WDR86: variants seen among roughly 807,000 people sequenced by gnomAD.
The protein encoded by WDR86 is WD repeat domain 86.
WDR86 carries 30 observed loss-of-function variants against 36.5 expected under a neutral mutation model. The observed-to-expected ratio is 0.82, with a 90% CI of 0.61 to 1.11. WDR86 has a LOEUF of 1.11. Among genes scored for constraint, WDR86 ranks in the 50% most tolerant of loss-of-function variants. The pLI is 0.00. For synonymous variants in WDR86, 255 were observed against 252.9 expected, an observed-to-expected ratio of 1.01 and a Z score of -0.08; for missense variants, 545 against 561.2, an observed-to-expected ratio of 0.97 and a Z score of 0.29.
downstream of WDR86, among the ~76,000 whole-genome samples, chr7:151,378,842 A>G (rs754455918): frequency 7.2e-5 from 11 of 152,188 alleles, no homozygotes; most frequent in Non-Finnish European, 1.3e-4. Flanking sequence ...AGCTGTTTTT[A>G]GCCATCATAG....
In WDR86 at chr7:151,406,812, A is replaced by G. The variant is rs1800737800; in HGVS notation, c.163+2615T>C. On this transcript the variant is annotated intron_variant, in intron 1 of 5. Transcript: ENST00000334493. The surrounding 1 kb of genome is among the most constrained non-coding windows in gnomAD (Gnocchi z 4.4). Reference sequence around the variant, plus strand: ...CACTCTCCTCTGTGAACTGGTGTCAATCCCACCCACCTCAGAGTTGTGAGG... The same window carrying G: ...CACTCTCCTCTGTGAACTGGTGTCAGTCCCACCCACCTCAGAGTTGTGAGG... 6.6e-6 allele frequency among the ~76,000 whole-genome samples: 1 copy of G among 152,232 alleles called. No individual in the cohort carries two copies. Among genetic ancestry groups the G allele is most frequent in the Non-Finnish European group, 1.5e-5 (1 of 68,042 alleles).
chr7:151,381,496 TCGGGCGCCACCACCG>T lies in WDR86; in HGVS notation c.*71_*85del. 1 of 1,460,044 alleles carries T rather than the reference TCGGGCGCCACCACCG, an allele frequency of 6.8e-7. No individual in the cohort carries two copies. Among genetic ancestry groups the T allele is most frequent in the East Asian group, 3.0e-5 (1 of 33,518 alleles). The allele number at this position is 1,460,044 out of a possible 1,614,324, so 90.4% of individuals were successfully genotyped here. ...CTCGCTCCTCGCCCCTCGCCGGCCA[TCGGGCGCCACCACCG>T]CGGGTAGCAGGGCGGGGCGCTCTGG... On this transcript the variant is annotated 3_prime_UTR_variant, in exon 6 of 6. Transcript: ENST00000334493. This position sits in a 1 kb window ranked among gnomAD's most constrained non-coding sequence, Gnocchi z 4.8.
chr7:151,395,502 C>G (rs1335596708), intron 3 of WDR86, among the ~76,000 whole-genome samples: 1 of 49,816 alleles, frequency 2.0e-5, no homozygotes, highest in Non-Finnish European at 7.2e-5. Context: ...AGGACACACA[C>G]ACACACACAC....
Position 151,401,981 on chromosome 7 carries a change from G to A in WDR86, c.164-1740C>T, listed in dbSNP as rs1409910218. 6.9e-6 allele frequency among the ~76,000 whole-genome samples: 1 copy of A among 145,004 alleles called. No individual in the cohort carries two copies. The highest frequency in any genetic ancestry group is 1.5e-5 in the Non-Finnish European group (1 of 66,938). On this transcript the variant is annotated intron_variant, in intron 1 of 5. Coordinates refer to ENST00000334493, the MANE Select transcript of WDR86 (RefSeq NM_198285.3). This position sits in a 1 kb window ranked among gnomAD's most constrained non-coding sequence, Gnocchi z 4.3. ...GAGAACTGCTTGAACCCGGAAGGCG[G>A]AGGCTGCAGTGAGCTGAGGTTGCAC...
At chr7:151,397,406 T>A (rs1799902594) in intron 2 of WDR86, among the ~76,000 whole-genome samples, 2 of 152,224 alleles carry the variant, frequency 1.3e-5, no homozygotes, top group African/African-American at 4.8e-5. Context: ...CCAGATAGGA[T>A]GATTGTCACA....
chr7:151,403,848 G>A (rs979503341), intron 1 of WDR86, among the ~76,000 whole-genome samples: 8 of 152,198 alleles, frequency 5.3e-5, no homozygotes, highest in African/African-American at 7.2e-5. Context: ...GAGAGATTGC[G>A]GCTGGAGACA....
intron 1 of WDR86, among the ~76,000 whole-genome samples, chr7:151,404,467 C>A (rs186198946): frequency 3.4e-4 from 52 of 152,190 alleles, no homozygotes; most frequent in African/African-American, 1.2e-3. Flanking sequence ...CTATGTTCCA[C>A]AGAACACAAA....
chr7:151,374,276 C>T (rs1798102170), downstream of WDR86: 2 of 1,549,844 alleles, frequency 1.3e-6, no homozygotes, highest in Non-Finnish European at 1.7e-6. Context: ...TGGCCTTGTC[C>T]CTGAGCAGTG....
In WDR86 at chr7:151,385,113, G is replaced by A. The variant is rs763181794; in HGVS notation, c.837C>T (p.Ser279=). Residue 279 remains serine (S), a synonymous_variant, in exon 4 of 6, where the codon AGC becomes AGT. Transcript: ENST00000334493. The part of the protein sequence containing the change: ...RTFTAHRRNV[S]ALKYHAGTLF... ...AGGTGCCCGCGTGGTACTTGAGGGC[G>A]CTCACGTTGCGTCTGTGGGCCGTGA... is the stretch of plus-strand genomic sequence containing the variant. 9 of 1,609,798 alleles carry A rather than the reference G, an allele frequency of 5.6e-6. No individual in the cohort carries two copies. The highest frequency in any genetic ancestry group is 2.2e-5 in the South Asian group (2 of 90,816).
At chr7:151,392,129 G>A (rs907762788) in intron 3 of WDR86, among the ~76,000 whole-genome samples, 8 of 152,164 alleles carry the variant, frequency 5.3e-5, no homozygotes, top group Non-Finnish European at 2.9e-5. Flanking sequence ...AGCCAGGCCC[G>A]AGCCAGCCAT....
At chr7:151,378,627 G>A (rs760262898), downstream of WDR86, among the ~76,000 whole-genome samples, 10 of 152,172 alleles carry the variant, frequency 6.6e-5, no homozygotes, top group African/African-American at 2.4e-4. Flanking sequence ...GATGCCGCAC[G>A]CCAAGCGGGG....
chr7:151,403,200 A>T (rs1800464611), intron 1 of WDR86, among the ~76,000 whole-genome samples: 2 of 151,954 alleles, frequency 1.3e-5, no homozygotes, highest in South Asian at 4.1e-4. Context: ...TTTTTCCTGG[A>T]TGTTTTTCAT....
chr7:151,396,524 G>A (rs1240130349), intron 2 of WDR86, among the ~76,000 whole-genome samples: 1 of 152,164 alleles, frequency 6.6e-6, no homozygotes, highest in African/African-American at 2.4e-5. Flanking sequence ...GGAGGTAGGG[G>A]AGCAGCGGGA....
At chr7:151,394,472 T>C (rs1021341748) in intron 3 of WDR86, among the ~76,000 whole-genome samples, 21 of 152,208 alleles carry the variant, frequency 1.4e-4, no homozygotes, top group African/African-American at 4.8e-5. Context: ...TCGCTGAGCA[T>C]CAGGTGCTGG....
intron 3 of WDR86, among the ~76,000 whole-genome samples, chr7:151,386,715 G>A (rs1013526697): frequency 1.3e-5 from 2 of 152,184 alleles, no homozygotes; most frequent in Admixed American, 6.5e-5. Context: ...ACAGTCAGCT[G>A]CTTACAGTCT....
chr7:151,396,750 T>G (rs1396925464), intron 2 of WDR86, among the ~76,000 whole-genome samples: 1 of 152,208 alleles, frequency 6.6e-6, no homozygotes, highest in Admixed American at 6.5e-5. Context: ...ACTCCCATAG[T>G]GCACCCAGGG....
chr7:151,378,643 G>T (rs1257302827), downstream of WDR86, among the ~76,000 whole-genome samples: 1 of 152,200 alleles, frequency 6.6e-6, no homozygotes, highest in Non-Finnish European at 1.5e-5. Context: ...CGGGGCTGGG[G>T]TGCATCCTGG....
chr7:151,382,369 G>A (rs916547892), intron 4 of WDR86, among the ~76,000 whole-genome samples: 7 of 152,162 alleles, frequency 4.6e-5, no homozygotes, highest in African/African-American at 1.7e-4. Flanking sequence ...CCTCATTAAC[G>A]GATCGGCACT....
chr7:151,397,718 C>T lies in WDR86; in HGVS notation c.306-1522G>A, dbSNP rs1178075825. Among the ~76,000 whole-genome samples the T allele has an allele frequency of 1.1e-3, 108 of 94,904 alleles. 1 individual carries two copies. Among genetic ancestry groups the T allele is most frequent in the East Asian group, 4.0e-3 (8 of 2,014 alleles). The allele number at this position is 94,904 out of a possible 152,430, so 62.3% of individuals were successfully genotyped here. A position where few individuals can be genotyped will look rare whatever the true frequency, so the allele number is the denominator to read the frequency against. On this transcript the variant is annotated intron_variant, in intron 2 of 5. Coordinates refer to ENST00000334493, the MANE Select transcript of WDR86 (RefSeq NM_198285.3). ...GGGTGTAGTGGGAGGAAGGGCATAG[C>T]GGGAGGAAGAGGGTGTAGCGGGAGG...
Sources: allele counts gnomAD v4.1 joint callset (sites outside exome capture counted in the v4.1 genomes callset), GRCh38; gene constraint gnomAD v4.1.1; non-coding constraint Gnocchi (gnomAD v3.1); transcripts MANE v1.5; gene names NCBI Gene and HGNC (gene_info 2026-07-23, HGNC 2026-07-21).